ZFHX3: variants seen among roughly 807,000 people sequenced by gnomAD.
ZFHX3 encodes zinc finger homeobox protein 3.
A neutral mutation model predicts 279.1 loss-of-function variants in ZFHX3; 42 were observed. The ratio of observed to expected loss-of-function variants is 0.15; its 90% CI spans 0.12 to 0.19. The LOEUF is 0.19. Among genes scored for constraint, ZFHX3 ranks in the 10% least tolerant of loss-of-function variants. The pLI is 1.00. For missense variants in ZFHX3, 4,981 were observed against 4,754.0 expected, an observed-to-expected ratio of 1.05 and a Z score of -1.40; for synonymous variants, 2,293 against 1,957.8, an observed-to-expected ratio of 1.17 and a Z score of -4.52.
intron 3 of ZFHX3, among the ~76,000 whole-genome samples, chr16:72,937,887 A>G (rs565284272): frequency 1.4e-3 from 214 of 152,336 alleles, no homozygotes; most frequent in Non-Finnish European, 2.2e-3. Context: ...CACTTGTAAA[A>G]CAACACCTTT....
At chr16:73,475,089 C>T (rs1035737468) in intron 2 of ZFHX3, among the ~76,000 whole-genome samples, 8 of 152,142 alleles carry the variant, frequency 5.3e-5, no homozygotes, top group Admixed American at 2.0e-4. Context: ...TCTGACTCTT[C>T]GATCCATTTC....
rs76239888 is a variant in ZFHX3, at chr16:72,787,039, C to CTTTTT, written c.*120_*124dup. 57 of 684,928 alleles carry CTTTTT rather than the reference C, an allele frequency of 8.3e-5. No homozygotes were observed. In the South Asian group the frequency reaches 1.6e-3, roughly 19 times the overall value. The allele number at this position is 684,928 out of a possible 1,614,324, so 42.4% of individuals were successfully genotyped here. ...ACAACCCACGCTTTTTCTTTTTTTT[C>CTTTTT]TTTTTTTTTTTTTTTTTGTTTTTTG... is the stretch of plus-strand genomic sequence containing the variant. On this transcript the variant is annotated 3_prime_UTR_variant, in exon 10 of 10. Coordinates refer to ENST00000268489, the MANE Select transcript of ZFHX3 (RefSeq NM_006885.4).
intron 7 of ZFHX3, 105 bp downstream of exon 7, chr16:72,811,472 C>G: frequency 8.1e-7 from 1 of 1,234,516 alleles, no homozygotes; most frequent in Non-Finnish European, 1.1e-6. Context: ...ACGTTTCCAA[C>G]TCTACACTGA....
At chr16:72,988,871 G>C (rs1456880723) in intron 1 of ZFHX3, among the ~76,000 whole-genome samples, 2 of 152,188 alleles carry the variant, frequency 1.3e-5, no homozygotes, top group Non-Finnish European at 2.9e-5. Flanking sequence ...TGAGGAAGCA[G>C]GCAATGAAAT....
chr16:73,373,234 G>A (rs1423989646), intron 3 of ZFHX3, among the ~76,000 whole-genome samples: 1 of 152,096 alleles, frequency 6.6e-6, no homozygotes, highest in Non-Finnish European at 1.5e-5. Flanking sequence ...TCACCAATTG[G>A]GTGGCTATTC....
At chr16:73,477,835 A>G (rs2018790369) in intron 2 of ZFHX3, among the ~76,000 whole-genome samples, 1 of 152,186 alleles carries the variant, frequency 6.6e-6, no homozygotes. Context: ...AAACCTGACC[A>G]CAAGTTCAAA....
chr16:73,078,641 A>G (rs1965911225), intron 8 of ZFHX3, among the ~76,000 whole-genome samples: 1 of 149,604 alleles, frequency 6.7e-6, no homozygotes, highest in African/African-American at 2.5e-5. Context: ...GCGCCTGGCC[A>G]CTAAAGAACT....
chr16:73,016,268 A>T (rs1312427041), intron 1 of ZFHX3, among the ~76,000 whole-genome samples: 1 of 152,228 alleles, frequency 6.6e-6, no homozygotes, highest in African/African-American at 2.4e-5. Context: ...AACAATTAAC[A>T]TGAATTGTGT....
At chr16:72,843,097 G>C (rs1173923357) in intron 4 of ZFHX3, among the ~76,000 whole-genome samples, 2 of 152,148 alleles carry the variant, frequency 1.3e-5, no homozygotes, top group Non-Finnish European at 2.9e-5. Flanking sequence ...AAGGCTGTTC[G>C]CAAAAGCCTG....
chr16:73,354,469 G>T (rs952650223), intron 3 of ZFHX3, among the ~76,000 whole-genome samples: 6 of 152,214 alleles, frequency 3.9e-5, no homozygotes, highest in Non-Finnish European at 5.9e-5. Context: ...GCCCAGCTCT[G>T]TGCTGGGGGG....
rs143270266 is a variant in ZFHX3, at chr16:72,917,117, T to C, written c.3217-27155A>G. Among the ~76,000 whole-genome samples the C allele has an allele frequency of 3.3e-5, 5 of 152,290 alleles. No homozygotes were observed. In the East Asian group the frequency reaches 7.7e-4, roughly 24 times the overall value. On this transcript the variant is annotated intron_variant, in intron 3 of 9. Transcript: ENST00000268489. ...TTAGCCAGGTATCATGGCACGCGCC[T>C]ATAGTCCTGGCTATTCAGGAGGCTG...
chr16:73,314,012 T>C (rs1188118897), intron 4 of ZFHX3, among the ~76,000 whole-genome samples: 2 of 152,052 alleles, frequency 1.3e-5, no homozygotes, highest in Non-Finnish European at 2.9e-5. Flanking sequence ...GGTGGGAGGA[T>C]GGCTTGAGCT....
At chr16:73,109,933 G>A (rs1383244178) in intron 7 of ZFHX3, among the ~76,000 whole-genome samples, 2 of 152,008 alleles carry the variant, frequency 1.3e-5, no homozygotes, top group Non-Finnish European at 2.9e-5. Context: ...CAAAACTAAT[G>A]ATACGACATT....
rs578092478 is a variant in ZFHX3, at chr16:73,474,129, T to TTTTA, written c.-1546-17875_-1546-17872dup. Among the ~76,000 whole-genome samples, 1,457 of 148,794 alleles carry TTTTA rather than the reference T, an allele frequency of 9.8e-3. 28 individuals are homozygous for TTTTA. Among genetic ancestry groups the TTTTA allele is most frequent in the African/African-American group, 0.029 (1,170 of 40,550 alleles). ...CTTTGGGGTCTGGATTCTCGCTCTTTTTTATTTATTTATTTATTTATTTAT... is the reference window on the plus strand; with the variant it reads ...CTTTGGGGTCTGGATTCTCGCTCTTTTTTATTTATTTATTTATTTATTTATTTAT... On this transcript the variant is annotated intron_variant, in intron 2 of 17. Coordinates refer to the ZFHX3 transcript ENST00000641206.
At chr16:73,584,629 T>G (rs754815393) in intron 2 of ZFHX3, among the ~76,000 whole-genome samples, 2 of 152,162 alleles carry the variant, frequency 1.3e-5, no homozygotes, top group Non-Finnish European at 2.9e-5. Flanking sequence ...TTATGAAAAT[T>G]TTTGTAAAGT....
intron 1 of ZFHX3, among the ~76,000 whole-genome samples, chr16:73,740,728 C>G (rs2142259430): frequency 6.6e-6 from 1 of 152,252 alleles, no homozygotes; most frequent in Admixed American, 6.5e-5. Flanking sequence ...TGAGATGATA[C>G]TCAATAGGCA....
At chr16:73,447,609 C>G (rs2018210125) in intron 3 of ZFHX3, among the ~76,000 whole-genome samples, 1 of 152,052 alleles carries the variant, frequency 6.6e-6, no homozygotes, top group African/African-American at 2.4e-5. Flanking sequence ...GAGCAGAGTC[C>G]CTGGTTCTGA....
At chr16:73,616,553 A>G (rs941662743) in intron 2 of ZFHX3, among the ~76,000 whole-genome samples, 3 of 151,084 alleles carry the variant, frequency 2.0e-5, no homozygotes, top group African/African-American at 7.3e-5. Flanking sequence ...TAGTGGACCT[A>G]TTGTTCCTGT....
intron 1 of ZFHX3, among the ~76,000 whole-genome samples, chr16:72,978,065 A>G (rs749040908): frequency 1.2e-4 from 18 of 152,222 alleles, no homozygotes; most frequent in Admixed American, 2.0e-4. Context: ...GGGTTTCACC[A>G]TGTTGGCCAG....
Sources: gnomAD v4.1 joint callset for allele counts (sites outside exome capture counted in the v4.1 genomes callset) on GRCh38, gnomAD v4.1.1 for gene constraint, MANE v1.5 for transcripts, NCBI Gene and HGNC (gene_info 2026-07-23, HGNC 2026-07-21) for gene names.